The following ARHGAP42 variants were observed in gnomAD, a reference collection of about 807,000 sequenced individuals.
The protein encoded by ARHGAP42 is rho GTPase-activating protein 42.
Under a neutral mutation model 125.0 loss-of-function variants are expected in ARHGAP42, and 63 were observed. The ratio of observed to expected loss-of-function variants is 0.50; its 90% CI spans 0.41 to 0.62. The LOEUF is 0.62. Ranked by LOEUF, ARHGAP42 falls within the 20% of genes least tolerant of loss-of-function variation. The pLI is 0.00. For synonymous variants in ARHGAP42, 339 were observed against 351.0 expected (o/e 0.97, Z 0.38); for missense variants, 766 against 1,024.2 (o/e 0.75, Z 3.44).
At chr11:100,929,788 A>G (rs947494035) in intron 6 of ARHGAP42, among the ~76,000 whole-genome samples, 9 of 152,174 alleles carry the variant, frequency 5.9e-5, no homozygotes, top group Non-Finnish European at 1.2e-4. Context: ...AGTTGTTTAT[A>G]TATTCTGCAT....
At chr11:100,852,186 A>G (rs1865219327) in intron 3 of ARHGAP42, among the ~76,000 whole-genome samples, 1 of 152,094 alleles carries the variant, frequency 6.6e-6, no homozygotes, top group Non-Finnish European at 1.5e-5. Flanking sequence ...CACAACTACA[A>G]TAAGTAATTT....
intron 3 of ARHGAP42, among the ~76,000 whole-genome samples, chr11:100,799,610 G>T (rs1006760016): frequency 1.3e-5 from 2 of 152,310 alleles, no homozygotes; most frequent in African/African-American, 4.8e-5. Context: ...AGAATTAGAA[G>T]AGTAATGGAG....
intron 3 of ARHGAP42, among the ~76,000 whole-genome samples, chr11:100,849,249 C>T (rs1028316028): frequency 6.6e-6 from 1 of 152,010 alleles, no homozygotes; most frequent in African/African-American, 2.4e-5. Context: ...GATGTAAGAC[C>T]TCACATTAAG....
At chr11:100,796,194 A>G (rs1055371138) in intron 3 of ARHGAP42, among the ~76,000 whole-genome samples, 9 of 151,924 alleles carry the variant, frequency 5.9e-5, no homozygotes, top group Non-Finnish European at 1.3e-4. Flanking sequence ...AAATTTTTTC[A>G]TTAGTGTTAT....
In ARHGAP42 at chr11:100,772,818, CG is replaced by C. The variant is rs1863014339; in HGVS notation, c.250+2381del. 5.3e-5 allele frequency among the ~76,000 whole-genome samples: 8 copies of C among 152,256 alleles called. 1 individual carries two copies. The South Asian group carries it at 1.7e-3, about 32-fold the overall frequency. ...TAGAAAAGCTATACCCACATATTTA[CG>C]TAACAGTTATTTTCACTTAGTTGTT... is the stretch of plus-strand genomic sequence containing the variant. On this transcript the variant is annotated intron_variant, in intron 2 of 23. Coordinates refer to ENST00000298815, the MANE Select transcript of ARHGAP42 (RefSeq NM_152432.4).
intron 1 of ARHGAP42, among the ~76,000 whole-genome samples, chr11:100,721,625 G>A (rs1310815572): frequency 1.3e-5 from 2 of 151,598 alleles, no homozygotes; most frequent in African/African-American, 2.4e-5. Context: ...GGCACCCGCC[G>A]CCACGCCCAG....
At chr11:100,831,264 A>T (rs1184419932) in intron 3 of ARHGAP42, among the ~76,000 whole-genome samples, 7 of 152,128 alleles carry the variant, frequency 4.6e-5, no homozygotes, top group Non-Finnish European at 1.0e-4. Flanking sequence ...GTTTACTGTC[A>T]TCAGTATCCT....
rs369551721 is a variant in ARHGAP42, at chr11:100,780,047, G to C, written c.250+9609G>C. 3.3e-5 allele frequency among the ~76,000 whole-genome samples: 5 copies of C among 151,250 alleles called. No homozygotes were observed. The East Asian group carries it at 5.8e-4, about 18-fold the overall frequency. ...TCTCAAAAACTAAAAAAAAAAACAA[G>C]TTTTAAAAATATTTATAAATATTAA... On this transcript the variant is annotated intron_variant, in intron 2 of 23. Transcript: ENST00000298815.
rs1191201470 is a variant in ARHGAP42 at position 100,941,877 on chromosome 11, G to A, written c.926G>A (p.Gly309Glu). The A allele has an allele frequency of 6.6e-7, 1 of 1,524,708 alleles. No individual in the cohort carries two copies. Among genetic ancestry groups the A allele is most frequent in the South Asian group, 1.3e-5 (1 of 79,022 alleles). 94.4% of individuals were successfully genotyped at this position (1,524,708 alleles called of 1,614,324 possible). Residue 309 changes from glycine (G) to glutamate (E), a missense_variant, in exon 9 of 24, where the codon GGG becomes GAG. Gly to Glu is a moderately conservative substitution (Grantham distance 98, BLOSUM62 -2). Coordinates refer to ENST00000298815, the MANE Select transcript of ARHGAP42 (RefSeq NM_152432.4). ...TMSVSEMKSS[G>E]KMNGLVTSSP... ...AGTGTTTCAGAAATGAAATCCAGTG[G>A]GAAAATGGTGAGTTAGTTTTGTTTT...
At chr11:100,781,810 G>C (rs1162148333) in intron 2 of ARHGAP42, among the ~76,000 whole-genome samples, 1 of 152,042 alleles carries the variant, frequency 6.6e-6, no homozygotes, top group Non-Finnish European at 1.5e-5. Flanking sequence ...AGTGAAGCTT[G>C]GTTTATTTTC....
intron 12 of ARHGAP42, among the ~76,000 whole-genome samples, chr11:100,952,097 T>C (rs1424041960): frequency 6.6e-6 from 1 of 152,200 alleles, no homozygotes; most frequent in African/African-American, 2.4e-5. Flanking sequence ...GTTTTATTTT[T>C]AATATTTGAT....
rs1303845791 is a variant in ARHGAP42, at chr11:100,962,396, TTCTC to T, written c.1386-11_1386-8del. 9 of 1,548,886 alleles carry T rather than the reference TTCTC, an allele frequency of 5.8e-6. No homozygotes were observed. The East Asian group carries it at 2.2e-4, about 38-fold the overall frequency. On this transcript the variant is annotated splice_polypyrimidine_tract_variant and intron_variant, in intron 15 of 23. Transcript: ENST00000298815. Reference sequence around the variant, plus strand: ...TCTACTATTCTAACATGTGTTTCCTTTCTCTGTTGTAGGTGCCTTGCAGAACCAC... The same window carrying T: ...TCTACTATTCTAACATGTGTTTCCTTTGTTGTAGGTGCCTTGCAGAACCAC...
intron 1 of ARHGAP42, among the ~76,000 whole-genome samples, chr11:100,759,207 A>G (rs1372012836): frequency 2.0e-5 from 3 of 152,110 alleles, no homozygotes; most frequent in African/African-American, 7.2e-5. Context: ...TCTTAAATGA[A>G]AGAACCTTCT....
At chr11:100,769,106 A>G (rs928169017) in intron 1 of ARHGAP42, among the ~76,000 whole-genome samples, 2 of 152,192 alleles carry the variant, frequency 1.3e-5, no homozygotes, top group Non-Finnish European at 2.9e-5. Flanking sequence ...AAGTATGTAT[A>G]TCTAAATATA....
chr11:100,708,747 A>G (rs1408037769), intron 1 of ARHGAP42, among the ~76,000 whole-genome samples: 1 of 152,182 alleles, frequency 6.6e-6, no homozygotes, highest in African/African-American at 2.4e-5. Flanking sequence ...TTATAATTGT[A>G]TCACAGTAGT....
At chr11:100,961,046 G>A in intron 14 of ARHGAP42, 57 bp downstream of exon 14, 3 of 1,219,938 alleles carry the variant, frequency 2.5e-6, no homozygotes, top group Non-Finnish European at 3.4e-6. Flanking sequence ...GTAATCTAAA[G>A]TATGGACTTC....
At chr11:100,716,142 G>A (rs1360859136) in intron 1 of ARHGAP42, among the ~76,000 whole-genome samples, 2 of 152,174 alleles carry the variant, frequency 1.3e-5, no homozygotes, top group African/African-American at 4.8e-5. Context: ...TTGAAAGTTA[G>A]CCTAAACTAT....
At chr11:100,688,475 C>G (rs935531525) in intron 1 of ARHGAP42, among the ~76,000 whole-genome samples, 1 of 152,168 alleles carries the variant, frequency 6.6e-6, no homozygotes, top group South Asian at 2.1e-4. Flanking sequence ...AAAGGCCAAT[C>G]AGAACTTTTG....
intron 4 of ARHGAP42, among the ~76,000 whole-genome samples, chr11:100,860,414 A>G (rs1197274965): frequency 6.6e-6 from 1 of 152,016 alleles, no homozygotes; most frequent in Non-Finnish European, 1.5e-5. Context: ...AATTTTCACC[A>G]TCTCCAATTA....
Sources: allele counts gnomAD v4.1 joint callset (sites outside exome capture counted in the v4.1 genomes callset), GRCh38; gene constraint gnomAD v4.1.1; transcripts MANE v1.5; gene names NCBI Gene and HGNC (gene_info 2026-07-23, HGNC 2026-07-21).